SIPA1L1: variants seen among roughly 807,000 people sequenced by gnomAD.
The protein encoded by SIPA1L1 is signal-induced proliferation-associated 1-like protein 1.
In SIPA1L1, 26 loss-of-function variants were observed where a neutral mutation model predicts 162.7. The ratio of observed to expected loss-of-function variants is 0.16; its 90% confidence interval spans 0.12 to 0.22. SIPA1L1 has a LOEUF of 0.22. Among genes scored for constraint, SIPA1L1 ranks in the 10% least tolerant of loss-of-function variants. The probability of loss-of-function intolerance (pLI) is 1.00; values close to 1 mark genes in which losing one functional copy is unlikely to be tolerated. For synonymous variants in SIPA1L1, 829 were observed against 837.4 expected, an observed-to-expected ratio of 0.99 and a Z score of 0.17; for missense variants, 1,874 against 2,241.0, an observed-to-expected ratio of 0.84 and a Z score of 3.31.
chr14:71,594,626 C>T (rs1052378823), intron 5 of SIPA1L1, among the ~76,000 whole-genome samples: 24 of 152,054 alleles, frequency 1.6e-4, no homozygotes, highest in Admixed American at 4.6e-4. Context: ...TTGTGTTCTA[C>T]GCTGTTGAAT....
At chr14:71,428,491 A>G (rs773821256) in intron 2 of SIPA1L1, among the ~76,000 whole-genome samples, 2 of 151,494 alleles carry the variant, frequency 1.3e-5, no homozygotes, top group Admixed American at 6.6e-5. Flanking sequence ...CTGAGTCTGC[A>G]CCTTTCCCTG....
intron 5 of SIPA1L1, among the ~76,000 whole-genome samples, chr14:71,592,321 A>G (rs1567267521): frequency 6.6e-6 from 1 of 152,240 alleles, no homozygotes; most frequent in Admixed American, 6.5e-5. Flanking sequence ...TAAGCTCTGT[A>G]AAGTATAAAC....
rs1445057818 is a variant in SIPA1L1 at position 71,634,190 on chromosome 14, T to C, written c.1818+9954T>C. ...CAGAGGCAGGTGGATCACCTGAGGT[T>C]GGGAGTTTGAGACCAGACTGCCCAA... On this transcript the variant is annotated intron_variant, in intron 7 of 23. Transcript: ENST00000381232. Among the ~76,000 whole-genome samples the C allele has an allele frequency of 2.0e-5, 3 of 151,374 alleles. No individual in the cohort carries two copies. In the East Asian group the frequency reaches 5.9e-4, roughly 30 times the overall value.
chr14:71,599,517 A>C (rs1210274572), intron 5 of SIPA1L1, among the ~76,000 whole-genome samples: 1 of 144,442 alleles, frequency 6.9e-6, no homozygotes, highest in Non-Finnish European at 1.5e-5. Flanking sequence ...TACATACCAC[A>C]TTTTCATCAT....
At chr14:71,404,895 CT>C (rs2041933103) in intron 2 of SIPA1L1, among the ~76,000 whole-genome samples, 1 of 152,214 alleles carries the variant, frequency 6.6e-6, no homozygotes, top group Non-Finnish European at 1.5e-5. Flanking sequence ...TGTCATGCTG[CT>C]TTCCCATACC....
intron 5 of SIPA1L1, among the ~76,000 whole-genome samples, chr14:71,617,662 G>A (rs1011791092): frequency 1.2e-4 from 18 of 151,954 alleles, no homozygotes; most frequent in African/African-American, 4.4e-4. Context: ...TTATTCTCAT[G>A]GATTTTCAAA....
At chr14:71,575,279 G>T (rs535892527) in intron 4 of SIPA1L1, among the ~76,000 whole-genome samples, 1 of 152,142 alleles carries the variant, frequency 6.6e-6, no homozygotes, top group East Asian at 1.9e-4. Context: ...TCTCTCCTCT[G>T]CCCTTATCAT....
Position 71,662,206 on chromosome 14 carries a change from A to G in SIPA1L1, c.2255+739A>G, listed in dbSNP as rs553177357. Among the ~76,000 whole-genome samples, 5 of 152,384 alleles carry G rather than the reference A, an allele frequency of 3.3e-5. No individual in the cohort carries two copies. The East Asian group carries it at 9.6e-4, about 29-fold the overall frequency. ...TCCATCCCTAAAAAATGTTACCTGCATAGAAAGTGACCTGTGCACATTGAC... is the reference window on the plus strand; with the variant it reads ...TCCATCCCTAAAAAATGTTACCTGCGTAGAAAGTGACCTGTGCACATTGAC... On this transcript the variant is annotated intron_variant, in intron 10 of 23. Transcript: ENST00000381232.
chr14:71,335,224 C>T lies in SIPA1L1; in HGVS notation c.-465+14043C>T, dbSNP rs2034967088. Among the ~76,000 whole-genome samples the T allele has an allele frequency of 3.3e-5, 5 of 152,130 alleles. No individual in the cohort carries two copies. In the South Asian group the frequency reaches 1.0e-3, roughly 31 times the overall value. On this transcript the variant is annotated intron_variant, in intron 2 of 23. Coordinates refer to ENST00000381232, the MANE Select transcript of SIPA1L1 (RefSeq NM_001386936.1). ...CTGAGGTAGGAGAATGGAGTGTGAA[C>T]CCAGGAGGCGGAGCTTGCAGTGAGC...
chr14:71,527,727 A>G (rs866175751), intron 3 of SIPA1L1, among the ~76,000 whole-genome samples: 1 of 152,192 alleles, frequency 6.6e-6, no homozygotes, highest in Admixed American at 6.5e-5. Flanking sequence ...TTGTGGATAC[A>G]TGGACAGTGA....
rs117206763 is a variant in SIPA1L1 at position 71,703,085 on chromosome 14, A to G, written c.3646+580A>G. Among the ~76,000 whole-genome samples, 840 of 152,278 alleles carry G rather than the reference A, an allele frequency of 5.5e-3. 4 individuals are homozygous for G. Among genetic ancestry groups the G allele is most frequent in the South Asian group, 0.019 (90 of 4,818 alleles). ...TTCTACTGCATAGCCCTTTCTTTCTATATATATGTTGTTTCACAGTGACAC... is the reference window on the plus strand; with the variant it reads ...TTCTACTGCATAGCCCTTTCTTTCTGTATATATGTTGTTTCACAGTGACAC... On this transcript the variant is annotated intron_variant, in intron 15 of 23. Coordinates refer to ENST00000381232, the MANE Select transcript of SIPA1L1 (RefSeq NM_001386936.1).
intron 2 of SIPA1L1, among the ~76,000 whole-genome samples, chr14:71,492,183 C>A (rs1273995280): frequency 6.6e-6 from 1 of 152,136 alleles, no homozygotes; most frequent in Admixed American, 6.5e-5. Context: ...GTGCTAGCAG[C>A]CTGATGGCAC....
intron 2 of SIPA1L1, among the ~76,000 whole-genome samples, chr14:71,354,746 GT>G (rs2037079556): frequency 6.6e-6 from 1 of 152,170 alleles, no homozygotes; most frequent in South Asian, 2.1e-4. Context: ...CAAGCTCTAA[GT>G]TTTCCTAAGC....
chr14:71,355,251 A>G (rs1285885809), intron 2 of SIPA1L1, among the ~76,000 whole-genome samples: 2 of 152,214 alleles, frequency 1.3e-5, no homozygotes, highest in South Asian at 2.1e-4. Flanking sequence ...AAGTAATTGT[A>G]TAGGACTTAA....
At chr14:71,593,982 G>C (rs1339900310) in intron 5 of SIPA1L1, among the ~76,000 whole-genome samples, 1 of 152,186 alleles carries the variant, frequency 6.6e-6, no homozygotes, top group South Asian at 2.1e-4. Context: ...TTAAAAGAGG[G>C]ACGACTAATG....
At chr14:71,707,252 T>C (rs2082519500) in intron 16 of SIPA1L1, among the ~76,000 whole-genome samples, 1 of 152,150 alleles carries the variant, frequency 6.6e-6, no homozygotes, top group Non-Finnish European at 1.5e-5. Flanking sequence ...ATCTTTTAAA[T>C]TCTTATTTGG....
At chr14:71,378,821 T>C (rs899665792) in intron 2 of SIPA1L1, among the ~76,000 whole-genome samples, 11 of 152,222 alleles carry the variant, frequency 7.2e-5, no homozygotes, top group Non-Finnish European at 1.6e-4. Context: ...ATTGTATGCC[T>C]TCATGAATTG....
chr14:71,556,207 A>T (rs879819311), intron 4 of SIPA1L1, among the ~76,000 whole-genome samples: 9 of 152,112 alleles, frequency 5.9e-5, no homozygotes, highest in Non-Finnish European at 1.3e-4. Flanking sequence ...TGTTTAACCA[A>T]TTTTTTCTTT....
At chr14:71,681,808 GGA>G (rs2045835601) in intron 12 of SIPA1L1, among the ~76,000 whole-genome samples, 1 of 152,158 alleles carries the variant, frequency 6.6e-6, no homozygotes, top group African/African-American at 2.4e-5. Context: ...TAAGGAAAAA[GGA>G]GAGAGTTATG....
Sources: gnomAD v4.1 joint callset for allele counts (sites outside exome capture counted in the v4.1 genomes callset) on GRCh38, gnomAD v4.1.1 for gene constraint, MANE v1.5 for transcripts, NCBI Gene and HGNC (gene_info 2026-07-23, HGNC 2026-07-21) for gene names.